SNRPN: variants seen among roughly 807,000 people sequenced by gnomAD.
The protein encoded by SNRPN is small nuclear ribonucleoprotein-associated protein N.
A neutral mutation model predicts 25.2 loss-of-function variants in SNRPN; 7 were observed. The observed-to-expected ratio is 0.28, with a 90% CI of 0.16 to 0.52. The LOEUF is 0.52. SNRPN is among the 20% of genes least tolerant of loss of function. The pLI, the probability that SNRPN is intolerant of heterozygous loss-of-function variation, is 0.96. For synonymous variants in SNRPN, 124 were observed against 110.6 expected (o/e 1.12, Z -0.76); for missense variants, 196 against 322.5 (o/e 0.61, Z 3.00).
chr15:24,834,718 T>C (rs1276386785), intron 2 of SNRPN, among the ~76,000 whole-genome samples: 7 of 89,164 alleles, frequency 7.9e-5, no homozygotes, highest in Non-Finnish European at 1.2e-4. Context: ...AGACCTTGTC[T>C]CTCTCTCTCC....
intron 1 of SNRPN, among the ~76,000 whole-genome samples, chr15:24,871,133 T>C (rs925534219): frequency 1.3e-5 from 2 of 152,062 alleles, no homozygotes; most frequent in African/African-American, 4.8e-5. Context: ...TCCACCCACC[T>C]CGGTCTCCCA....
At chr15:24,886,383 A>C (rs545070999) in intron 1 of SNRPN, 3 of 152,310 alleles carry the variant, frequency 2.0e-5, no homozygotes, top group Non-Finnish European at 4.4e-5. Context: ...AGTTACTTAG[A>C]GTTGAGTCTC....
intron 1 of SNRPN, among the ~76,000 whole-genome samples, chr15:24,857,873 T>G (rs1254898528): frequency 6.6e-6 from 1 of 152,072 alleles, no homozygotes; most frequent in Non-Finnish European, 1.5e-5. Context: ...TTTCTAAGAA[T>G]AATTTGGTGG....
At chr15:24,875,783 G>A (rs2055799645) in intron 1 of SNRPN, among the ~76,000 whole-genome samples, 1 of 152,124 alleles carries the variant, frequency 6.6e-6, no homozygotes, top group Non-Finnish European at 1.5e-5. Context: ...GCCGGGTGCG[G>A]TAGTTCATGC....
chr15:24,969,811 A>G (rs889085143), intron 3 of SNRPN, among the ~76,000 whole-genome samples: 5 of 152,206 alleles, frequency 3.3e-5, no homozygotes, highest in African/African-American at 1.2e-4. Flanking sequence ...GGTTGGTAAT[A>G]TATCTGGACC....
In SNRPN at chr15:24,918,587, AAT is replaced by A. The variant is rs1392665822; in HGVS notation, c.-504-1417_-504-1416del. Among the ~76,000 whole-genome samples, 56 of 100,030 alleles carry A rather than the reference AAT, an allele frequency of 5.6e-4. 4 individuals carry two copies. Among genetic ancestry groups the A allele is most frequent in the Non-Finnish European group, 7.2e-4 (38 of 52,884 alleles). 65.6% of individuals were successfully genotyped at this position (100,030 alleles called of 152,430 possible). A position where few individuals can be genotyped will look rare whatever the true frequency, so the allele number is the denominator to read the frequency against. On this transcript the variant is annotated intron_variant, in intron 2 of 11. Coordinates refer to the SNRPN transcript ENST00000400097. Reference sequence around the variant, plus strand: ...TAATATATATGTATATATATAACATAATATATATGTATATATATAACATAATA... The same window carrying A: ...TAATATATATGTATATATATAACATAATATATGTATATATATAACATAATA...
intron 1 of SNRPN, among the ~76,000 whole-genome samples, chr15:24,961,584 T>A (rs150854673): frequency 3.3e-4 from 51 of 152,300 alleles, no homozygotes; most frequent in African/African-American, 1.2e-3. Flanking sequence ...ATGTGGATAG[T>A]TTTTAGCTTG....
At chr15:24,923,672 T>G (rs1396724280) in intron 3 of SNRPN, among the ~76,000 whole-genome samples, 1 of 152,106 alleles carries the variant, frequency 6.6e-6, no homozygotes, top group Non-Finnish European at 1.5e-5. Flanking sequence ...TTGATGAATT[T>G]TATAAACACA....
chr15:24,957,058 C>T (rs2063048548), intron 1 of SNRPN, among the ~76,000 whole-genome samples: 1 of 152,176 alleles, frequency 6.6e-6, no homozygotes, highest in Non-Finnish European at 1.5e-5. Flanking sequence ...CGCTAATTCT[C>T]TATTTTCAAA....
chr15:24,893,280 A>G (rs193006305), intron 2 of SNRPN, among the ~76,000 whole-genome samples: 25 of 151,932 alleles, frequency 1.6e-4, no homozygotes, highest in Middle Eastern at 6.8e-3. Flanking sequence ...GTCTGTAACT[A>G]TCAGCTTCCC....
At chr15:24,889,803 A>G (rs2057512932) in intron 2 of SNRPN, among the ~76,000 whole-genome samples, 2 of 151,478 alleles carry the variant, frequency 1.3e-5, no homozygotes, top group South Asian at 4.2e-4. Flanking sequence ...TAATCTCAGC[A>G]CTTTGGGAGG....
At chr15:24,885,716 CTGTGTGTG>C (rs58691279) in intron 1 of SNRPN, among the ~76,000 whole-genome samples, 37 of 141,724 alleles carry the variant, frequency 2.6e-4, no homozygotes, top group African/African-American at 5.0e-4. Context: ...GAATCTGGGG[CTGTGTGTG>C]TGTGTGTGTG....
At chr15:24,958,180 C>T (rs545611867) in intron 1 of SNRPN, among the ~76,000 whole-genome samples, 4 of 152,138 alleles carry the variant, frequency 2.6e-5, no homozygotes, top group South Asian at 2.1e-4. Flanking sequence ...TTACCCTGTT[C>T]CTTTTCCTAA....
chr15:24,894,844 T>C (rs546426498), intron 2 of SNRPN, among the ~76,000 whole-genome samples: 1 of 152,284 alleles, frequency 6.6e-6, no homozygotes, highest in East Asian at 1.9e-4. Flanking sequence ...AGCTGTCCCT[T>C]TCTCGTTGCC....
intron 2 of SNRPN, among the ~76,000 whole-genome samples, chr15:24,899,852 G>A (rs898624837): frequency 6.6e-6 from 1 of 152,134 alleles, no homozygotes; most frequent in Non-Finnish European, 1.5e-5. Context: ...TCAAATTCTT[G>A]TGTTTTGTCT....
intron 2 of SNRPN, among the ~76,000 whole-genome samples, chr15:24,838,812 G>T (rs566862760): frequency 1.3e-5 from 2 of 152,154 alleles, no homozygotes; most frequent in East Asian, 3.9e-4. Context: ...CTACTAGAGG[G>T]TTCCTAGCAC....
Position 24,936,940 on chromosome 15 carries a change from G to A in SNRPN, c.-391+16816G>A, listed in dbSNP as rs540769806. The stretch of plus-strand genomic sequence containing the variant: ...GATGAGAAATAAATGTATCTTGCCA[G>A]TAACTTATAAAGTAATAAAACCGGC... On this transcript the variant is annotated intron_variant, in intron 3 of 11. Coordinates refer to the SNRPN transcript ENST00000400097. Among the ~76,000 whole-genome samples, 75 of 152,204 alleles carry A rather than the reference G, an allele frequency of 4.9e-4. 1 individual carries two copies. Among genetic ancestry groups the A allele is most frequent in the Admixed American group, 8.5e-4 (13 of 15,264 alleles).
intron 3 of SNRPN, among the ~76,000 whole-genome samples, chr15:24,923,881 A>ATGTGTGTGTGTGTGTGTG (rs58343685): frequency 9.4e-6 from 1 of 106,122 alleles, no homozygotes; most frequent in Non-Finnish European, 1.8e-5. Flanking sequence ...AGTGCCGTGT[A>ATGTGTGTGTGTGTGTGTG]TGTGTGTGTG....
intron 3 of SNRPN, among the ~76,000 whole-genome samples, chr15:24,937,105 G>C (rs2061279721): frequency 6.6e-6 from 1 of 151,954 alleles, no homozygotes; most frequent in African/African-American, 2.4e-5. Flanking sequence ...GCTGGGCATG[G>C]TGGTGCGTGC....
Sources: allele counts gnomAD v4.1 joint callset (sites outside exome capture counted in the v4.1 genomes callset), GRCh38; gene constraint gnomAD v4.1.1; transcripts MANE v1.5; gene names NCBI Gene and HGNC (gene_info 2026-07-23, HGNC 2026-07-21).